LIMCH1: variants seen among roughly 807,000 people sequenced by gnomAD.
The protein encoded by LIMCH1 is LIM and calponin homology domains-containing protein 1.
In LIMCH1, 113 loss-of-function variants were observed where a neutral mutation model predicts 176.5. That is an observed-to-expected ratio of 0.64 (90% confidence interval 0.55 to 0.75). LIMCH1 has a LOEUF of 0.75. Among genes scored for constraint, LIMCH1 ranks in the 30% least tolerant of loss-of-function variants. The pLI is 0.00. For synonymous variants in LIMCH1, 619 were observed against 645.9 expected (o/e 0.96, Z 0.63); for missense variants, 1,674 against 1,814.9 (o/e 0.92, Z 1.41).
intron 18 of LIMCH1, among the ~76,000 whole-genome samples, chr4:41,656,532 A>T (rs1477466604): frequency 1.3e-5 from 2 of 152,078 alleles, no homozygotes; most frequent in Non-Finnish European, 2.9e-5. Flanking sequence ...ATTTTTTTTT[A>T]ATTTGAAAAG....
chr4:41,433,691 TTA>T (rs201892144), intron 1 of LIMCH1, among the ~76,000 whole-genome samples: 33,454 of 151,228 alleles, frequency 0.22, 4,517 homozygotes, highest in African/African-American at 0.37. Context: ...TTTTTTTTTT[TTA>T]AACTTTTAAA....
chr4:41,470,207 C>CT lies in LIMCH1; in HGVS notation c.97-24326dup, dbSNP rs1446859318. Among the ~76,000 whole-genome samples, 6 of 152,352 alleles carry CT rather than the reference C, an allele frequency of 3.9e-5. No homozygotes were observed. In the East Asian group the frequency reaches 1.2e-3, roughly 29 times the overall value. On this transcript the variant is annotated intron_variant, in intron 1 of 26. Transcript: ENST00000313860. Reference sequence around the variant, plus strand: ...ACCTCCAACACCATTCTTCTTTTAGCTTTGTCAACGGATCACTTCTAAAAG... The same window carrying CT: ...ACCTCCAACACCATTCTTCTTTTAGCTTTTGTCAACGGATCACTTCTAAAAG...
intron 1 of LIMCH1, among the ~76,000 whole-genome samples, chr4:41,399,643 C>T (rs2058160901): frequency 6.7e-6 from 1 of 148,276 alleles, no homozygotes; most frequent in Non-Finnish European, 1.5e-5. Flanking sequence ...ATATATATTA[C>T]TCAGCTAACT....
chr4:41,468,803 T>G (rs934353386), intron 1 of LIMCH1, among the ~76,000 whole-genome samples: 4 of 152,120 alleles, frequency 2.6e-5, no homozygotes, highest in African/African-American at 4.8e-5. Context: ...TCTTTCCCAG[T>G]GTAGCTGGTG....
At chr4:41,539,524 C>G (rs1290124944) in intron 1 of LIMCH1, among the ~76,000 whole-genome samples, 1 of 152,134 alleles carries the variant, frequency 6.6e-6, no homozygotes, top group Non-Finnish European at 1.5e-5. Context: ...GAAGACCTTC[C>G]CAAGGGAAGA....
chr4:41,663,968 A>C (rs1414989420), intron 20 of LIMCH1, among the ~76,000 whole-genome samples: 7 of 151,844 alleles, frequency 4.6e-5, no homozygotes, highest in African/African-American at 1.7e-4. Context: ...TTAGCCCAAG[A>C]GGTCAAGGCT....
chr4:41,505,449 G>A (rs1490701357), intron 2 of LIMCH1, among the ~76,000 whole-genome samples: 1 of 152,154 alleles, frequency 6.6e-6, no homozygotes, highest in East Asian at 1.9e-4. Context: ...AAGAAAATTT[G>A]GGTCCCTTAC....
At chr4:41,441,945 T>C (rs1273134590) in intron 1 of LIMCH1, among the ~76,000 whole-genome samples, 2 of 152,228 alleles carry the variant, frequency 1.3e-5, no homozygotes, top group Non-Finnish European at 2.9e-5. Flanking sequence ...TTTGCTTCTT[T>C]GTCTCTCTCT....
chr4:41,683,323 C>T (rs1014969738), intron 26 of LIMCH1, among the ~76,000 whole-genome samples: 5 of 152,126 alleles, frequency 3.3e-5, no homozygotes, highest in Admixed American at 6.5e-5. Context: ...CCCCCTGGAG[C>T]GCTCAAAACT....
intron 1 of LIMCH1, among the ~76,000 whole-genome samples, chr4:41,447,831 C>G (rs918386838): frequency 3.3e-5 from 5 of 152,032 alleles, no homozygotes; most frequent in African/African-American, 1.2e-4. Context: ...CCCTCTGTCT[C>G]CCAGTCTGGA....
chr4:41,476,939 G>T (rs1469685524), intron 1 of LIMCH1, among the ~76,000 whole-genome samples: 1 of 152,174 alleles, frequency 6.6e-6, no homozygotes, highest in African/African-American at 2.4e-5. Context: ...GGATTTGGGG[G>T]TTTATTTTCT....
At chr4:41,473,910 G>A (rs950446960) in intron 1 of LIMCH1, among the ~76,000 whole-genome samples, 6 of 152,176 alleles carry the variant, frequency 3.9e-5, no homozygotes, top group African/African-American at 1.2e-4. Context: ...AGGCACAGTG[G>A]TTTACGCCTG....
At chr4:41,617,316 G>T (rs2092189205) in intron 5 of LIMCH1, among the ~76,000 whole-genome samples, 1 of 152,168 alleles carries the variant, frequency 6.6e-6, no homozygotes. Flanking sequence ...AACTTTGGGA[G>T]TCAAGAGAAC....
chr4:41,487,377 C>T (rs921623902), intron 1 of LIMCH1, among the ~76,000 whole-genome samples: 1 of 152,100 alleles, frequency 6.6e-6, no homozygotes, highest in African/African-American at 2.4e-5. Flanking sequence ...TCCTAATGGG[C>T]ATGGGAGAGG....
chr4:41,565,382 CATACACACACACACAG>C (rs1363195803), intron 1 of LIMCH1, among the ~76,000 whole-genome samples: 2 of 138,874 alleles, frequency 1.4e-5, no homozygotes, highest in African/African-American at 6.3e-5. Flanking sequence ...CACACACACA[CATACACACACACACAG>C]ACACACACAC....
chr4:41,681,954 C>T (rs16853459), intron 25 of LIMCH1, among the ~76,000 whole-genome samples: 1 of 152,090 alleles, frequency 6.6e-6, no homozygotes, highest in Non-Finnish European at 1.5e-5. Flanking sequence ...CTCCACATTC[C>T]CCAAATAAGG....
intron 9 of LIMCH1, 51 bp from the exon 10 acceptor site, chr4:41,631,097 T>C: frequency 7.5e-7 from 1 of 1,334,882 alleles, no homozygotes; most frequent in East Asian, 2.6e-5. Flanking sequence ...TAAAAACCTC[T>C]TATTGATTTG....
At chr4:41,500,952 A>G (rs941563454) in intron 2 of LIMCH1, among the ~76,000 whole-genome samples, 1 of 152,188 alleles carries the variant, frequency 6.6e-6, no homozygotes, top group African/African-American at 2.4e-5. Context: ...GACCTGGACT[A>G]AAGACTACAG....
chr4:41,602,808 A>AAAC (rs916539794), intron 2 of LIMCH1, among the ~76,000 whole-genome samples: 13 of 151,988 alleles, frequency 8.6e-5, no homozygotes, highest in African/African-American at 1.7e-4. Context: ...CTCAGTCTCA[A>AAAC]AACAACAACA....
Sources: allele counts gnomAD v4.1 joint callset (sites outside exome capture counted in the v4.1 genomes callset), GRCh38; gene constraint gnomAD v4.1.1; transcripts MANE v1.5; gene names NCBI Gene and HGNC (gene_info 2026-07-23, HGNC 2026-07-21).